CNTNAP2: variants seen among roughly 807,000 people sequenced by gnomAD.
The protein encoded by CNTNAP2 is contactin associated protein 2, also known as contactin-associated protein-like 2.
CNTNAP2 carries 98 observed loss-of-function variants against 155.2 expected under a neutral mutation model. That is an observed-to-expected ratio of 0.63 (90% confidence interval 0.54 to 0.75). CNTNAP2 has a LOEUF of 0.75. Among genes scored for constraint, CNTNAP2 ranks in the 30% least tolerant of loss-of-function variants. The probability of loss-of-function intolerance (pLI) is 0.00; values close to 1 mark genes in which losing one functional copy is unlikely to be tolerated. For synonymous variants in CNTNAP2, 651 were observed against 631.2 expected, an observed-to-expected ratio of 1.03 and a Z score of -0.47; for missense variants, 1,727 against 1,688.1, an observed-to-expected ratio of 1.02 and a Z score of -0.40.
intron 5 of CNTNAP2, among the ~76,000 whole-genome samples, chr7:147,119,804 G>T (rs1399053198): frequency 6.6e-6 from 1 of 151,738 alleles, no homozygotes; most frequent in African/African-American, 2.4e-5. Context: ...AAGGAAGGAA[G>T]AATTTAGTGT....
intron 1 of CNTNAP2, among the ~76,000 whole-genome samples, chr7:146,558,787 C>G (rs993115367): frequency 5.3e-5 from 8 of 152,208 alleles, no homozygotes; most frequent in African/African-American, 1.9e-4. Flanking sequence ...CCCCTGGCAA[C>G]TACCATTCCA....
chr7:146,453,629 G>A (rs1796513635), intron 1 of CNTNAP2, among the ~76,000 whole-genome samples: 1 of 152,100 alleles, frequency 6.6e-6, no homozygotes, highest in South Asian at 2.1e-4. Flanking sequence ...AAATAATACT[G>A]ATGATCAAAG....
intron 3 of CNTNAP2, among the ~76,000 whole-genome samples, chr7:146,973,368 T>G (rs1287587199): frequency 6.6e-6 from 1 of 152,230 alleles, no homozygotes; most frequent in East Asian, 1.9e-4. Context: ...ATACACATGG[T>G]TTGTGGCAAC....
intron 13 of CNTNAP2, among the ~76,000 whole-genome samples, chr7:147,826,928 ATTT>A (rs34322489): frequency 4.8e-5 from 6 of 123,840 alleles, no homozygotes; most frequent in Admixed American, 1.7e-4. Flanking sequence ...AGCTGAATAC[ATTT>A]TTTTTTTTTT....
At chr7:146,559,534 A>AC (rs1419683225) in intron 1 of CNTNAP2, among the ~76,000 whole-genome samples, 1 of 152,110 alleles carries the variant, frequency 6.6e-6, no homozygotes, top group Non-Finnish European at 1.5e-5. Context: ...ACGCCACTGC[A>AC]CTCCAGCCTG....
intron 1 of CNTNAP2, among the ~76,000 whole-genome samples, chr7:146,351,832 T>C (rs964152860): frequency 3.9e-5 from 6 of 152,110 alleles, no homozygotes; most frequent in Admixed American, 1.3e-4. Context: ...TATGACTTCT[T>C]TGCTGTGAGG....
At chr7:147,051,937 C>T (rs554842061) in intron 4 of CNTNAP2, among the ~76,000 whole-genome samples, 12 of 152,194 alleles carry the variant, frequency 7.9e-5, no homozygotes, top group African/African-American at 2.6e-4. Flanking sequence ...CACTGACTAC[C>T]TCTGTAGTCT....
At position 147,149,556 on chromosome 7, in the gene CNTNAP2, G is replaced by T. The variant is rs545239862; in HGVS notation, c.1348+17047G>T. Among the ~76,000 whole-genome samples, 6 of 152,314 alleles carry T rather than the reference G, an allele frequency of 3.9e-5. No individual in the cohort carries two copies. The South Asian group carries it at 1.2e-3, about 32-fold the overall frequency. On this transcript the variant is annotated intron_variant, in intron 8 of 23. Coordinates refer to ENST00000361727, the MANE Select transcript of CNTNAP2 (RefSeq NM_014141.6). ...TATAATAAACTATGGTAAGAAATTA[G>T]AATGCAAGCCCACTGGAGGATTTCT...
chr7:147,727,179 G>T (rs1584922534), intron 13 of CNTNAP2, among the ~76,000 whole-genome samples: 1 of 152,096 alleles, frequency 6.6e-6, no homozygotes, highest in African/African-American at 2.4e-5. Context: ...AACCCCAGTA[G>T]ATTGGTGTGT....
At chr7:148,160,909 G>A (rs772385734) in intron 17 of CNTNAP2, among the ~76,000 whole-genome samples, 2 of 152,084 alleles carry the variant, frequency 1.3e-5, no homozygotes, top group East Asian at 3.8e-4. Context: ...CTACTATTGT[G>A]CAGATGTTGA....
rs145035657 is a variant in CNTNAP2 at position 147,292,886 on chromosome 7, C to T, written c.1349-7255C>T. ...CCTAGTTCAGGTGATTCTCCTGCCT[C>T]AGCCTCTGGAGTAGCTGGGATTACA... On this transcript the variant is annotated intron_variant, in intron 8 of 23. Transcript: ENST00000361727. Among the ~76,000 whole-genome samples the T allele has an allele frequency of 1.9e-3, 289 of 152,310 alleles. 1 individual carries two copies. Among genetic ancestry groups the T allele is most frequent in the Admixed American group, 3.5e-3 (53 of 15,296 alleles).
intron 23 of CNTNAP2, among the ~76,000 whole-genome samples, chr7:148,409,866 A>G (rs1799790617): frequency 1.1e-5 from 1 of 92,658 alleles, no homozygotes; most frequent in South Asian, 4.0e-4. Context: ...CTTGGCTAAC[A>G]CGGTGAAACC....
Position 146,877,591 on chromosome 7 carries a change from TATAC to T in CNTNAP2, c.402+37691_402+37694del, listed in dbSNP as rs202091813. Reference sequence around the variant, plus strand: ...ATATGTGTGTGTATATGTATACATATATACATATGTGTGTATACTATATATGTGT... The same window carrying T: ...ATATGTGTGTGTATATGTATACATATATATGTGTGTATACTATATATGTGT... On this transcript the variant is annotated intron_variant, in intron 3 of 23. Transcript: ENST00000361727. 8.0e-3 allele frequency among the ~76,000 whole-genome samples: 1,212 copies of T among 151,196 alleles called. 14 individuals are homozygous for T. The highest frequency in any genetic ancestry group is 0.026 in the African/African-American group (1,071 of 41,304).
chr7:146,870,129 A>G (rs1325641644), intron 3 of CNTNAP2, among the ~76,000 whole-genome samples: 3 of 151,334 alleles, frequency 2.0e-5, no homozygotes, highest in Non-Finnish European at 4.4e-5. Context: ...CCTCCTCAAT[A>G]TTTTGGAATA....
chr7:146,508,201 A>G (rs1262028736), intron 1 of CNTNAP2, among the ~76,000 whole-genome samples: 2 of 152,152 alleles, frequency 1.3e-5, no homozygotes, highest in Non-Finnish European at 2.9e-5. Context: ...GCCACCTGGA[A>G]AGTGGTATTG....
chr7:147,690,248 A>C (rs561035464), intron 13 of CNTNAP2, among the ~76,000 whole-genome samples: 18 of 152,250 alleles, frequency 1.2e-4, no homozygotes, highest in African/African-American at 4.3e-4. Context: ...CCACCAGGCA[A>C]ACTGCCTAAT....
At position 146,380,784 on chromosome 7, in the gene CNTNAP2, C is replaced by CTT. The variant is rs56886106; in HGVS notation, c.97+263843_97+263844dup. Among the ~76,000 whole-genome samples the CTT allele has an allele frequency of 5.5e-3, 212 of 38,846 alleles. 3 individuals are homozygous for CTT. The highest frequency in any genetic ancestry group is 8.2e-3 in the Admixed American group (15 of 1,826). 25.5% of individuals were successfully genotyped at this position (38,846 alleles called of 152,430 possible). The stretch of plus-strand genomic sequence containing the variant: ...ATATTTCTTGCTTCTTATGCACGTT[C>CTT]TTTTTTTTTTTTTTTTTTTTTTTTT... On this transcript the variant is annotated intron_variant, in intron 1 of 23. Coordinates refer to ENST00000361727, the MANE Select transcript of CNTNAP2 (RefSeq NM_014141.6).
chr7:147,438,702 G>A (rs1797591201), intron 10 of CNTNAP2, among the ~76,000 whole-genome samples: 1 of 151,982 alleles, frequency 6.6e-6, no homozygotes, highest in South Asian at 2.1e-4. Flanking sequence ...GAATTCAGCA[G>A]TGAAGCCATC....
intron 9 of CNTNAP2, among the ~76,000 whole-genome samples, chr7:147,311,510 C>T (rs568446792): frequency 2.0e-5 from 3 of 152,216 alleles, no homozygotes; most frequent in East Asian, 3.9e-4. Flanking sequence ...GTCCAGGCAG[C>T]GTGGCCTCAG....
Sources: allele counts gnomAD v4.1 joint callset (sites outside exome capture counted in the v4.1 genomes callset), GRCh38; gene constraint gnomAD v4.1.1; transcripts MANE v1.5; gene names NCBI Gene and HGNC (gene_info 2026-07-23, HGNC 2026-07-21).